The following SCHIP1 variants were observed in gnomAD, a reference collection of about 807,000 sequenced individuals.
The protein encoded by SCHIP1 is schwannomin-interacting protein 1.
In SCHIP1, 8 loss-of-function variants were observed where a neutral mutation model predicts 29.7. That is an observed-to-expected ratio of 0.27 (90% CI 0.16 to 0.49). The LOEUF is 0.49. SCHIP1 is among the 20% of genes least tolerant of loss of function. SCHIP1 has a pLI of 0.99. For synonymous variants in SCHIP1, 76 were observed against 94.9 expected (o/e 0.80, Z 1.16); for missense variants, 193 against 294.6 (o/e 0.66, Z 2.52).
At chr3:159,571,455 C>A in the SCHIP1 span, among the ~76,000 whole-genome samples, 1 of 152,100 alleles carries the variant, frequency 6.6e-6, no homozygotes, top group African/African-American at 2.4e-5. Flanking sequence ...TATGTTGAAC[C>A]AGCCTTGCAT....
At chr3:159,866,244 A>G (rs766748873) in exon 2 of SCHIP1, 6 of 1,613,736 alleles carry the variant, frequency 3.7e-6, no homozygotes, top group Non-Finnish European at 5.1e-6. Flanking sequence ...AATTTATACC[A>G]GCTGTAGCAA....
the SCHIP1 span, among the ~76,000 whole-genome samples, chr3:159,553,967 CGTGTGTGTGTGTGTGTGTGTGTGTGTGT>C: frequency 7.8e-5 from 9 of 115,728 alleles, no homozygotes; most frequent in African/African-American, 1.0e-4. Context: ...CGCCCAGCTA[CGTGTGTGTGTGTGTGTGTGTGTGTGTGT>C]GTGTGTGTGT....
At chr3:159,402,167 AAC>A in the SCHIP1 span, among the ~76,000 whole-genome samples, 2 of 152,236 alleles carry the variant, frequency 1.3e-5, no homozygotes, top group Non-Finnish European at 1.5e-5. Context: ...GCAGCCAAAA[AAC>A]ACATAAATAA....
the SCHIP1 span, among the ~76,000 whole-genome samples, chr3:159,794,509 A>AT: frequency 9.2e-5 from 14 of 152,062 alleles, no homozygotes; most frequent in African/African-American, 2.9e-4. Flanking sequence ...TTATTCTTGA[A>AT]TTTTTTCTTC....
At chr3:159,637,157 T>A in the SCHIP1 span, among the ~76,000 whole-genome samples, 1 of 152,218 alleles carries the variant, frequency 6.6e-6, no homozygotes, top group Non-Finnish European at 1.5e-5. Context: ...ATATTTTTCA[T>A]TGTTCTTTAA....
the SCHIP1 span, among the ~76,000 whole-genome samples, chr3:159,284,073 G>A: frequency 6.6e-6 from 1 of 152,116 alleles, no homozygotes; most frequent in African/African-American, 2.4e-5. Context: ...AAAATGAAAA[G>A]CTTCCTAGAT....
chr3:159,573,924 A>T, the SCHIP1 span, among the ~76,000 whole-genome samples: 1 of 152,292 alleles, frequency 6.6e-6, no homozygotes, highest in Admixed American at 6.5e-5. Context: ...TTGTGCATGC[A>T]TCACAAAGTT....
the SCHIP1 span, among the ~76,000 whole-genome samples, chr3:159,701,270 T>G: frequency 1.3e-5 from 2 of 152,208 alleles, no homozygotes; most frequent in Admixed American, 1.3e-4. Flanking sequence ...CATCCTTTTT[T>G]ATGGTTAATA....
intron 2 of SCHIP1, among the ~76,000 whole-genome samples, chr3:159,876,491 G>T (rs765646001): frequency 3.3e-5 from 5 of 152,200 alleles, no homozygotes; most frequent in Non-Finnish European, 7.4e-5. Context: ...GCACTCAGAA[G>T]AGTGCCTGGA....
At chr3:159,622,398 A>C in the SCHIP1 span, among the ~76,000 whole-genome samples, 1 of 150,268 alleles carries the variant, frequency 6.7e-6, no homozygotes, top group East Asian at 2.1e-4. Context: ...AAGATACATG[A>C]TCTGAAAAGA....
the SCHIP1 span, among the ~76,000 whole-genome samples, chr3:159,475,159 A>C: frequency 6.6e-6 from 1 of 152,192 alleles, no homozygotes; most frequent in African/African-American, 2.4e-5. Flanking sequence ...ACTCATGGAC[A>C]GAAAGTTGAA....
At chr3:159,773,087 T>C in the SCHIP1 span, among the ~76,000 whole-genome samples, 1 of 152,254 alleles carries the variant, frequency 6.6e-6, no homozygotes, top group Non-Finnish European at 1.5e-5. Flanking sequence ...TCTGGACCTC[T>C]GTCGCTGAAG....
the SCHIP1 span, among the ~76,000 whole-genome samples, chr3:159,373,826 T>TTGA: frequency 6.6e-6 from 1 of 152,194 alleles, no homozygotes; most frequent in African/African-American, 2.4e-5. Flanking sequence ...TATTCATTTG[T>TTGA]TGATGGACAT....
chr3:159,676,106 G>A, the SCHIP1 span, among the ~76,000 whole-genome samples: 1 of 152,164 alleles, frequency 6.6e-6, no homozygotes, highest in East Asian at 1.9e-4. Context: ...ACTCCAGCCT[G>A]AGCGACGGTG....
the SCHIP1 span, among the ~76,000 whole-genome samples, chr3:159,816,295 T>C: frequency 2.6e-5 from 4 of 151,828 alleles, no homozygotes; most frequent in Non-Finnish European, 4.4e-5. Context: ...ATTTTTGAGA[T>C]GGATCTTGCC....
At chr3:159,805,961 A>G in the SCHIP1 span, among the ~76,000 whole-genome samples, 1 of 151,884 alleles carries the variant, frequency 6.6e-6, no homozygotes, top group African/African-American at 2.4e-5. Context: ...GGTGCCTGCC[A>G]CCCACACCCA....
At chr3:159,453,423 T>C in the SCHIP1 span, among the ~76,000 whole-genome samples, 1 of 152,222 alleles carries the variant, frequency 6.6e-6, no homozygotes, top group African/African-American at 2.4e-5. Flanking sequence ...CCATCGGCAG[T>C]TGGTTTCTGT....
chr3:159,590,281 C>A, the SCHIP1 span, among the ~76,000 whole-genome samples: 2 of 152,140 alleles, frequency 1.3e-5, no homozygotes, highest in Admixed American at 1.3e-4. Context: ...CATTAAAGAA[C>A]CAAACCAGTA....
At chr3:159,310,411 G>A in the SCHIP1 span, among the ~76,000 whole-genome samples, 17,094 of 151,980 alleles carry the variant, frequency 0.11, 1,095 homozygotes, top group Middle Eastern at 0.14. Context: ...TCTATTTTTT[G>A]TTCCTCATTA....
Sources: gnomAD v4.1 joint callset for allele counts (sites outside exome capture counted in the v4.1 genomes callset) on GRCh38, gnomAD v4.1.1 for gene constraint, MANE v1.5 for transcripts, NCBI Gene and HGNC (gene_info 2026-07-23, HGNC 2026-07-21) for gene names.